AGBL4: variants seen among roughly 807,000 people sequenced by gnomAD.
AGBL4 encodes AGBL carboxypeptidase 4.
Under a neutral mutation model 66.4 loss-of-function variants are expected in AGBL4, and 58 were observed. The observed-to-expected ratio is 0.87, with a 90% CI of 0.71 to 1.09. AGBL4 has a LOEUF of 1.09. Among genes scored for constraint, AGBL4 ranks in the 50% least tolerant of loss-of-function variants. The pLI, the probability that AGBL4 is intolerant of heterozygous loss-of-function variation, is 0.00. For missense variants in AGBL4, 579 were observed against 631.0 expected, an observed-to-expected ratio of 0.92 and a Z score of 0.88; for synonymous variants, 234 against 222.9, an observed-to-expected ratio of 1.05 and a Z score of -0.44.
intron 3 of AGBL4, among the ~76,000 whole-genome samples, chr1:49,572,278 T>C (rs1307908595): frequency 6.6e-6 from 1 of 152,188 alleles, no homozygotes; most frequent in Non-Finnish European, 1.5e-5. Context: ...GCTTTTGCAT[T>C]CTTCTATTTT....
intron 9 of AGBL4, among the ~76,000 whole-genome samples, chr1:48,613,144 G>A (rs1254657147): frequency 6.6e-6 from 1 of 151,920 alleles, no homozygotes; most frequent in African/African-American, 2.4e-5. Flanking sequence ...AAAAAAAAAA[G>A]AGAGATTATG....
intron 5 of AGBL4, among the ~76,000 whole-genome samples, chr1:48,978,777 AAT>A (rs1659535757): frequency 6.6e-6 from 1 of 152,154 alleles, no homozygotes; most frequent in Non-Finnish European, 1.5e-5. Context: ...GTCACATAGA[AAT>A]ATGTCCTTTT....
intron 5 of AGBL4, among the ~76,000 whole-genome samples, chr1:49,017,091 A>G (rs1398823826): frequency 2.6e-5 from 4 of 152,240 alleles, no homozygotes; most frequent in Non-Finnish European, 2.9e-5. Context: ...TAGGGTGTAA[A>G]GTAGTGGCCC....
At chr1:49,133,393 A>C (rs1197335274) in intron 4 of AGBL4, among the ~76,000 whole-genome samples, 1 of 152,148 alleles carries the variant, frequency 6.6e-6, no homozygotes, top group African/African-American at 2.4e-5. Context: ...CCAGAACTTA[A>C]AATAAAAAAT....
At chr1:49,282,065 A>G (rs1184731458) in intron 3 of AGBL4, among the ~76,000 whole-genome samples, 2 of 152,190 alleles carry the variant, frequency 1.3e-5, no homozygotes, top group Admixed American at 1.3e-4. Context: ...GCATCTGACT[A>G]TCTCCAGGTA....
intron 3 of AGBL4, among the ~76,000 whole-genome samples, chr1:49,263,439 TA>T (rs1454805269): frequency 1.3e-5 from 2 of 151,966 alleles, no homozygotes; most frequent in South Asian, 4.2e-4. Context: ...AATCAAAATA[TA>T]AAAGACCAAC....
intron 3 of AGBL4, among the ~76,000 whole-genome samples, chr1:49,483,267 C>T (rs1646994141): frequency 6.6e-6 from 1 of 151,740 alleles, no homozygotes; most frequent in African/African-American, 2.4e-5. Context: ...AGGATCTTAA[C>T]CAAAGAAGTA....
chr1:49,459,238 T>G (rs1646458103), intron 3 of AGBL4, among the ~76,000 whole-genome samples: 1 of 151,612 alleles, frequency 6.6e-6, no homozygotes, highest in Non-Finnish European at 1.5e-5. Flanking sequence ...GGTCCTGAAC[T>G]TCTTTTGGTT....
At chr1:49,225,681 G>A (rs531469609) in intron 4 of AGBL4, among the ~76,000 whole-genome samples, 2 of 152,160 alleles carry the variant, frequency 1.3e-5, no homozygotes, top group Non-Finnish European at 2.9e-5. Flanking sequence ...TTTTCAGTAG[G>A]CAAACTCTGG....
At chr1:49,740,579 C>G (rs1490066700) in intron 2 of AGBL4, among the ~76,000 whole-genome samples, 3 of 152,190 alleles carry the variant, frequency 2.0e-5, no homozygotes, top group African/African-American at 7.2e-5. Context: ...CTCTCCACCC[C>G]AAATCAACAG....
At chr1:49,995,993 C>T (rs1660340235) in intron 1 of AGBL4, 1 of 152,174 alleles carries the variant, frequency 6.6e-6, no homozygotes, top group Non-Finnish European at 1.5e-5. Context: ...CTCAGGAAGC[C>T]CTATCCCTAG....
At chr1:49,748,627 G>C (rs905591660) in intron 2 of AGBL4, among the ~76,000 whole-genome samples, 3 of 151,794 alleles carry the variant, frequency 2.0e-5, no homozygotes, top group Admixed American at 1.3e-4. Flanking sequence ...ACTCCCAATA[G>C]TGTAAAAGCA....
chr1:48,759,389 C>T, intron 6 of AGBL4: 2 of 1,459,106 alleles, frequency 1.4e-6, no homozygotes, highest in South Asian at 1.4e-5. Context: ...AATCACAGAA[C>T]ATCAGTGCTT....
At chr1:49,649,224 A>G (rs1004169962) in intron 3 of AGBL4, among the ~76,000 whole-genome samples, 5 of 152,204 alleles carry the variant, frequency 3.3e-5, no homozygotes, top group African/African-American at 4.8e-5. Context: ...TCTATAATAA[A>G]CCAACTTTAA....
intron 6 of AGBL4, among the ~76,000 whole-genome samples, chr1:48,722,933 TA>T (rs1359084253): frequency 6.6e-6 from 1 of 152,204 alleles, no homozygotes; most frequent in Non-Finnish European, 1.5e-5. Flanking sequence ...CACATTATCT[TA>T]CTTAACTCTT....
intron 5 of AGBL4, among the ~76,000 whole-genome samples, chr1:48,994,407 C>A (rs1471124477): frequency 6.6e-6 from 1 of 152,282 alleles, no homozygotes; most frequent in Non-Finnish European, 1.5e-5. Flanking sequence ...TATAACACTA[C>A]ATTATACCAT....
At chr1:49,330,851 C>T (rs1397019010) in intron 3 of AGBL4, among the ~76,000 whole-genome samples, 1 of 152,072 alleles carries the variant, frequency 6.6e-6, no homozygotes, top group Non-Finnish European at 1.5e-5. Context: ...AAATTCAGCA[C>T]CTTTAATTGA....
At chr1:49,720,183 C>G (rs1011047885) in intron 2 of AGBL4, among the ~76,000 whole-genome samples, 2 of 151,962 alleles carry the variant, frequency 1.3e-5, no homozygotes, top group Non-Finnish European at 2.9e-5. Flanking sequence ...AATGCAAAAT[C>G]CAAAATCCAA....
At chr1:48,735,321 C>T (rs749662861) in intron 6 of AGBL4, among the ~76,000 whole-genome samples, 10 of 152,028 alleles carry the variant, frequency 6.6e-5, no homozygotes, top group Non-Finnish European at 1.5e-4. Context: ...CAGATGAAGG[C>T]TGTGTCTTAC....
Sources: gnomAD v4.1 joint callset for allele counts (sites outside exome capture counted in the v4.1 genomes callset) on GRCh38, gnomAD v4.1.1 for gene constraint, MANE v1.5 for transcripts, NCBI Gene and HGNC (gene_info 2026-07-23, HGNC 2026-07-21) for gene names.